The following ABLIM1 variants were observed in gnomAD, a reference collection of about 807,000 sequenced individuals.
ABLIM1 encodes actin-binding LIM protein 1.
ABLIM1 carries 40 observed loss-of-function variants against 107.0 expected under a neutral mutation model. The ratio of observed to expected loss-of-function variants is 0.37; its 90% confidence interval spans 0.29 to 0.49. The LOEUF (loss-of-function observed/expected upper bound fraction) is 0.49. Among genes scored for constraint, ABLIM1 ranks in the 20% least tolerant of loss-of-function variants. The pLI, the probability that ABLIM1 is intolerant of heterozygous loss-of-function variation, is 0.97. For missense variants in ABLIM1, 857 were observed against 1,008.5 expected (o/e 0.85, Z 2.04); for synonymous variants, 357 against 357.3 (o/e 1.00, Z 0.01).
Position 114,490,750 on chromosome 10 carries a change from T to C in ABLIM1, c.982+1041A>G, listed in dbSNP as rs187105627. Among the ~76,000 whole-genome samples the C allele has an allele frequency of 2.7e-3, 406 of 151,320 alleles. 2 individuals are homozygous for C. Among genetic ancestry groups the C allele is most frequent in the African/African-American group, 9.5e-3 (391 of 41,080 alleles). On this transcript the variant is annotated intron_variant, in intron 7 of 22. Transcript: ENST00000533213. ...AAAACTGATCATATATATATATATA[T>C]AATCAGTTTCATAAAAACTATGATC...
chr10:114,541,102 G>T (rs2066600073), intron 6 of ABLIM1, among the ~76,000 whole-genome samples: 1 of 152,184 alleles, frequency 6.6e-6, no homozygotes, highest in Non-Finnish European at 1.5e-5. Context: ...GACAAAGCCA[G>T]AGATTGGGAG....
intron 4 of ABLIM1, among the ~76,000 whole-genome samples, chr10:114,552,484 T>A: frequency 3.3e-5 from 4 of 120,816 alleles, no homozygotes; most frequent in Admixed American, 9.0e-5. Context: ...AATAATGACC[T>A]AACATGGAAA....
chr10:114,476,783 C>A (rs994721594), intron 8 of ABLIM1, among the ~76,000 whole-genome samples: 35 of 152,148 alleles, frequency 2.3e-4, no homozygotes, highest in Admixed American at 1.3e-3. Flanking sequence ...AAAAGCTGAA[C>A]CTGTATCCAT....
intron 2 of ABLIM1, among the ~76,000 whole-genome samples, chr10:114,578,263 CA>C (rs756174909): frequency 2.6e-5 from 4 of 152,230 alleles, no homozygotes; most frequent in Admixed American, 6.5e-5. Flanking sequence ...CTCTCAAACC[CA>C]GCATTTTCCA....
chr10:114,735,821 A>G (rs2082168396), intron 1 of ABLIM1, among the ~76,000 whole-genome samples: 1 of 152,206 alleles, frequency 6.6e-6, no homozygotes, highest in South Asian at 2.1e-4. Context: ...GTTGTGGTCA[A>G]GTCAAAGTTA....
At chr10:114,456,937 A>ATT (rs1188080957) in intron 12 of ABLIM1, among the ~76,000 whole-genome samples, 2 of 150,344 alleles carry the variant, frequency 1.3e-5, no homozygotes, top group Non-Finnish European at 3.0e-5. Flanking sequence ...TTTTTTTTAA[A>ATT]AAAAAAAAAA....
chr10:114,672,885 T>G (rs994897626), intron 1 of ABLIM1, among the ~76,000 whole-genome samples: 1 of 152,204 alleles, frequency 6.6e-6, no homozygotes, highest in Non-Finnish European at 1.5e-5. Flanking sequence ...CACTGAATTG[T>G]AGTGGCACCT....
At chr10:114,523,148 C>T (rs1408662326) in intron 6 of ABLIM1, among the ~76,000 whole-genome samples, 1 of 151,996 alleles carries the variant, frequency 6.6e-6, no homozygotes, top group Non-Finnish European at 1.5e-5. Context: ...AAGACTCCAT[C>T]TCAAAAAACA....
intron 4 of ABLIM1, among the ~76,000 whole-genome samples, chr10:114,563,225 ATCTTTATCCC>A (rs2070051122): frequency 6.6e-6 from 1 of 152,198 alleles, no homozygotes; most frequent in African/African-American, 2.4e-5. Flanking sequence ...ATTTCGGGTG[ATCTTTATCCC>A]TTTTGTATGT....
chr10:114,614,191 C>T (rs2140294089), intron 1 of ABLIM1, among the ~76,000 whole-genome samples: 1 of 152,242 alleles, frequency 6.6e-6, no homozygotes, highest in East Asian at 1.9e-4. Context: ...GTGGCTTACA[C>T]CTGTACTCCC....
chr10:114,538,995 G>A (rs1457662744), intron 6 of ABLIM1, among the ~76,000 whole-genome samples: 1 of 152,258 alleles, frequency 6.6e-6, no homozygotes, highest in African/African-American at 2.4e-5. Context: ...CCAGGCTTCT[G>A]TTTTCAGTTT....
chr10:114,450,079 T>G, intron 14 of ABLIM1: 1 of 395,288 alleles, frequency 2.5e-6, no homozygotes, highest in Non-Finnish European at 5.1e-6. Flanking sequence ...AGTTGACAAA[T>G]CAAATGCTGA....
intron 4 of ABLIM1, among the ~76,000 whole-genome samples, chr10:114,568,246 T>G (rs1387014998): frequency 1.4e-5 from 2 of 146,238 alleles, no homozygotes; most frequent in African/African-American, 5.1e-5. Flanking sequence ...ACTTAGGAAG[T>G]TTTACTAAGT....
chr10:114,778,785 C>T, the ABLIM1 span: 1 of 152,216 alleles, frequency 6.6e-6, no homozygotes, highest in African/African-American at 2.4e-5. Flanking sequence ...TCTACTCTAG[C>T]TCCACTCACA....
At chr10:114,632,692 A>T in intron 1 of ABLIM1, 1 of 985,420 alleles carries the variant, frequency 1.0e-6, no homozygotes, top group Non-Finnish European at 1.2e-6. Context: ...ATTCAGGATC[A>T]AAGTTAAAAT....
chr10:114,692,446 A>AAAAC (rs148187068), intron 1 of ABLIM1, among the ~76,000 whole-genome samples: 4 of 152,240 alleles, frequency 2.6e-5, no homozygotes, highest in Non-Finnish European at 5.9e-5. Flanking sequence ...GAGCTTGTCA[A>AAAAC]AAACAAACAA....
chr10:114,532,355 C>A (rs2065541837), intron 6 of ABLIM1, among the ~76,000 whole-genome samples: 1 of 152,210 alleles, frequency 6.6e-6, no homozygotes, highest in Admixed American at 6.5e-5. Flanking sequence ...TGGGCACCAG[C>A]CCTAACTCCC....
intron 6 of ABLIM1, among the ~76,000 whole-genome samples, chr10:114,526,225 AC>A (rs1397907116): frequency 1.6e-4 from 24 of 152,292 alleles, no homozygotes; most frequent in East Asian, 7.7e-4. Context: ...CACTTCCACC[AC>A]CAAATCCCCC....
chr10:114,699,182 T>A (rs547963496), intron 1 of ABLIM1, among the ~76,000 whole-genome samples: 1 of 149,914 alleles, frequency 6.7e-6, no homozygotes, highest in African/African-American at 2.5e-5. Context: ...AATCTAAATA[T>A]GAAGCAAACT....
Sources: allele counts gnomAD v4.1 joint callset (sites outside exome capture counted in the v4.1 genomes callset), GRCh38; gene constraint gnomAD v4.1.1; transcripts MANE v1.5; gene names NCBI Gene and HGNC (gene_info 2026-07-23, HGNC 2026-07-21).